Variants in CNBD1 observed in about 807,000 individuals in gnomAD.
CNBD1 encodes the protein cyclic nucleotide binding domain containing 1, also known as cyclic nucleotide-binding domain-containing protein 1.
In CNBD1, 71 loss-of-function variants were observed where a neutral mutation model predicts 54.4. That is an observed-to-expected ratio of 1.30 (90% CI 1.08 to 1.59). The LOEUF (loss-of-function observed/expected upper bound fraction) is 1.59, where lower values mean the gene tolerates loss of function less well. Ranked by LOEUF, CNBD1 falls within the 40% of genes most tolerant of loss-of-function variation. The probability of loss-of-function intolerance (pLI) is 0.00; values close to 1 mark genes in which losing one functional copy is unlikely to be tolerated. For synonymous variants in CNBD1, 182 were observed against 170.7 expected, an observed-to-expected ratio of 1.07 and a Z score of -0.51; for missense variants, 659 against 518.0, an observed-to-expected ratio of 1.27 and a Z score of -2.64.
chr8:87,192,053 G>C (rs1380183470), intron 4 of CNBD1, among the ~76,000 whole-genome samples: 1 of 152,068 alleles, frequency 6.6e-6, no homozygotes, highest in African/African-American at 2.4e-5. Context: ...TATCAACCAA[G>C]CTAGAGGGAA....
Position 87,067,888 on chromosome 8 carries a change from C to G in CNBD1, c.431+128134C>G, listed in dbSNP as rs1473853340. 2.6e-5 allele frequency among the ~76,000 whole-genome samples: 4 copies of G among 151,876 alleles called. No individual in the cohort carries two copies. In the South Asian group the frequency reaches 8.3e-4, roughly 31 times the overall value. On this transcript the variant is annotated intron_variant, in intron 4 of 10. Coordinates refer to ENST00000518476, the MANE Select transcript of CNBD1 (RefSeq NM_173538.3). ...AGACTATCCTTTGATTTTCATGCTC[C>G]TCTACAATAGCTGAAACTAGTTTGA...
At chr8:87,016,006 T>C (rs61145778) in intron 4 of CNBD1, among the ~76,000 whole-genome samples, 4,025 of 146,376 alleles carry the variant, frequency 0.027, 200 homozygotes, top group African/African-American at 0.097. Flanking sequence ...AAAAAAAGCC[T>C]TTTATTCTGC....
intron 4 of CNBD1, among the ~76,000 whole-genome samples, chr8:87,177,607 T>C (rs112373558): frequency 0.016 from 2,467 of 152,280 alleles, 25 homozygotes; most frequent in Non-Finnish European, 0.021. Context: ...ATTAACACAG[T>C]GCTGCTTATA....
chr8:86,869,260 A>G (rs557910538), intron 1 of CNBD1, among the ~76,000 whole-genome samples: 1 of 152,194 alleles, frequency 6.6e-6, no homozygotes. Context: ...CTTAAGGATA[A>G]TAAGGCTTAG....
At chr8:86,992,287 T>C (rs1218376466) in intron 4 of CNBD1, among the ~76,000 whole-genome samples, 1 of 152,094 alleles carries the variant, frequency 6.6e-6, no homozygotes, top group Non-Finnish European at 1.5e-5. Flanking sequence ...TCTTTTTAAT[T>C]TTTGTTGGTT....
At chr8:87,377,466 T>A (rs1017530025) in intron 10 of CNBD1, among the ~76,000 whole-genome samples, 17 of 151,990 alleles carry the variant, frequency 1.1e-4, no homozygotes, top group African/African-American at 4.1e-4. Flanking sequence ...TCCATGTCCC[T>A]ACAAAGGACA....
intron 4 of CNBD1, among the ~76,000 whole-genome samples, chr8:87,015,973 G>A (rs374252332): frequency 6.5e-5 from 5 of 76,938 alleles, no homozygotes; most frequent in South Asian, 1.2e-3. Flanking sequence ...GTGAGAATCC[G>A]TCTCAAAAAA....
In CNBD1 at chr8:87,329,529, A is replaced by G. The variant is rs182658234; in HGVS notation, c.1043-22156A>G. On this transcript the variant is annotated intron_variant, in intron 8 of 10. Transcript: ENST00000518476. ...CTTAAAATATTGGAGCCTTGCATTC[A>G]TGAAATATAATATCTCTCCAGTTAT... Among the ~76,000 whole-genome samples, 250 of 152,258 alleles carry G rather than the reference A, an allele frequency of 1.6e-3. 1 individual carries two copies. The highest frequency in any genetic ancestry group is 5.8e-3 in the African/African-American group (242 of 41,566).
At chr8:87,327,424 G>A (rs13272906) in intron 8 of CNBD1, among the ~76,000 whole-genome samples, 42,538 of 151,742 alleles carry the variant, frequency 0.28, 6,664 homozygotes, top group Middle Eastern at 0.41. Context: ...CTTGCAGTTT[G>A]ATCTCAGACT....
At chr8:86,881,924 C>T (rs1215587102) in intron 1 of CNBD1, among the ~76,000 whole-genome samples, 1 of 152,030 alleles carries the variant, frequency 6.6e-6, no homozygotes, top group African/African-American at 2.4e-5. Flanking sequence ...GAAAAAGATT[C>T]CCTATTCAAT....
intron 4 of CNBD1, among the ~76,000 whole-genome samples, chr8:87,123,901 T>A (rs1360355724): frequency 6.6e-6 from 1 of 151,618 alleles, no homozygotes; most frequent in Non-Finnish European, 1.5e-5. Flanking sequence ...TTGATAAATT[T>A]CTAGACACAT....
intron 4 of CNBD1, among the ~76,000 whole-genome samples, chr8:86,943,500 C>T (rs1386805430): frequency 1.3e-5 from 2 of 151,696 alleles, no homozygotes; most frequent in African/African-American, 4.8e-5. Context: ...ATGTCAGCAG[C>T]TCTGAGTAAA....
intron 4 of CNBD1, among the ~76,000 whole-genome samples, chr8:87,020,214 T>C (rs1281636798): frequency 1.3e-5 from 2 of 152,090 alleles, no homozygotes; most frequent in Non-Finnish European, 2.9e-5. Flanking sequence ...AAAAATCTGA[T>C]CTAGGATTTT....
chr8:86,949,575 G>T (rs1438271848), intron 4 of CNBD1, among the ~76,000 whole-genome samples: 1 of 152,044 alleles, frequency 6.6e-6, no homozygotes, highest in Non-Finnish European at 1.5e-5. Flanking sequence ...TTTGTATCTT[G>T]CAGTTTTACT....
intron 4 of CNBD1, among the ~76,000 whole-genome samples, chr8:86,954,738 T>G (rs934806603): frequency 1.3e-5 from 2 of 152,220 alleles, no homozygotes; most frequent in African/African-American, 2.4e-5. Context: ...CATACTTAGA[T>G]GCAGATAAGG....
At chr8:86,873,130 T>G (rs1026679860) in intron 1 of CNBD1, among the ~76,000 whole-genome samples, 2 of 151,048 alleles carry the variant, frequency 1.3e-5, no homozygotes, top group Non-Finnish European at 3.0e-5. Flanking sequence ...AGATGGAGTT[T>G]CACTCTTGTT....
chr8:87,328,810 C>A (rs369586840), intron 8 of CNBD1, among the ~76,000 whole-genome samples: 2 of 151,860 alleles, frequency 1.3e-5, no homozygotes, highest in Non-Finnish European at 2.9e-5. Flanking sequence ...AGTGTGCAAG[C>A]CTTTCACTTT....
intron 4 of CNBD1, among the ~76,000 whole-genome samples, chr8:87,084,751 A>G (rs1811064602): frequency 6.6e-6 from 1 of 151,454 alleles, no homozygotes; most frequent in Non-Finnish European, 1.5e-5. Context: ...ATCTCAGCTC[A>G]CTGCAACCTC....
At chr8:87,261,546 A>AAG (rs1554573611) in intron 6 of CNBD1, among the ~76,000 whole-genome samples, 4 of 150,938 alleles carry the variant, frequency 2.7e-5, no homozygotes, top group African/African-American at 9.8e-5. Context: ...AAAAAAAAAA[A>AAG]AGAGAAATGA....
Sources: gnomAD v4.1 joint callset for allele counts (sites outside exome capture counted in the v4.1 genomes callset) on GRCh38, gnomAD v4.1.1 for gene constraint, MANE v1.5 for transcripts, NCBI Gene and HGNC (gene_info 2026-07-23, HGNC 2026-07-21) for gene names.